RAPGEF2: variants seen among roughly 807,000 people sequenced by gnomAD.
RAPGEF2 encodes Rap guanine nucleotide exchange factor 2.
Under a neutral mutation model 186.7 loss-of-function variants are expected in RAPGEF2, and 54 were observed. The ratio of observed to expected loss-of-function variants is 0.29; its 90% CI spans 0.23 to 0.36. RAPGEF2 has a LOEUF of 0.36. Among genes scored for constraint, RAPGEF2 ranks in the 10% least tolerant of loss-of-function variants. The probability of loss-of-function intolerance (pLI) is 1.00; values close to 1 mark genes in which losing one functional copy is unlikely to be tolerated. For missense variants in RAPGEF2, 1,532 were observed against 2,045.0 expected, an observed-to-expected ratio of 0.75 and a Z score of 4.84; for synonymous variants, 712 against 705.9, an observed-to-expected ratio of 1.01 and a Z score of -0.14.
At chr4:159,108,695 G>A (rs1208106180) in intron 1 of RAPGEF2, among the ~76,000 whole-genome samples, 1 of 152,124 alleles carries the variant, frequency 6.6e-6, no homozygotes, top group African/African-American at 2.4e-5. Context: ...TATTTGATGA[G>A]ATGGGGTGCT....
At chr4:159,207,554 A>C (rs982742931) in intron 3 of RAPGEF2, among the ~76,000 whole-genome samples, 46 of 152,256 alleles carry the variant, frequency 3.0e-4, no homozygotes, top group African/African-American at 1.1e-3. Flanking sequence ...TGTTAACTCT[A>C]TTAGTTGTCA....
intron 23 of RAPGEF2, 28 bp downstream of exon 23, chr4:159,344,087 C>A: frequency 6.6e-7 from 1 of 1,523,780 alleles, no homozygotes; most frequent in Non-Finnish European, 9.1e-7. Context: ...TGCATACCCA[C>A]ACACAGTTCT....
chr4:159,202,448 T>G (rs138719211), intron 3 of RAPGEF2, among the ~76,000 whole-genome samples: 298 of 152,288 alleles, frequency 2.0e-3, no homozygotes, highest in South Asian at 6.0e-3. Flanking sequence ...CCCCCAAAAC[T>G]TAGATGGCCA....
intron 7 of RAPGEF2, among the ~76,000 whole-genome samples, chr4:159,293,305 C>G (rs1399847061): frequency 6.6e-6 from 1 of 152,148 alleles, no homozygotes; most frequent in Non-Finnish European, 1.5e-5. Context: ...GGATGCAGTA[C>G]TTATCACAAC....
rs993367752 is a variant in RAPGEF2 at position 159,191,462 on chromosome 4, C to T, written c.141-1738C>T. On this transcript the variant is annotated intron_variant, in intron 2 of 29. Transcript: ENST00000691494. ...GATAGAATATATAGACAACTCAGGC[C>T]GGGCGCGATGGCTAATGCCTGTAAT... 8.5e-5 allele frequency among the ~76,000 whole-genome samples: 13 copies of T among 152,210 alleles called. No individual in the cohort carries two copies. The South Asian group carries it at 1.7e-3, about 19-fold the overall frequency.
chr4:159,210,298 T>C (rs1750395777), intron 3 of RAPGEF2, among the ~76,000 whole-genome samples: 3 of 152,210 alleles, frequency 2.0e-5, no homozygotes, highest in South Asian at 4.1e-4. Context: ...TACTGATAAA[T>C]ATATTTGGTG....
intron 8 of RAPGEF2, among the ~76,000 whole-genome samples, chr4:159,305,239 C>G (rs1374903706): frequency 1.3e-5 from 2 of 152,066 alleles, no homozygotes; most frequent in African/African-American, 4.8e-5. Context: ...ATTTTTAGTT[C>G]TTGGAGAAAT....
chr4:159,106,853 G>T (rs1232242881), intron 1 of RAPGEF2, among the ~76,000 whole-genome samples: 5 of 152,172 alleles, frequency 3.3e-5, no homozygotes, highest in Non-Finnish European at 7.4e-5. Flanking sequence ...AAGTTGGCTA[G>T]AAGAGAATCT....
intron 1 of RAPGEF2, among the ~76,000 whole-genome samples, chr4:159,138,065 T>G (rs974058208): frequency 6.6e-6 from 1 of 152,232 alleles, no homozygotes; most frequent in African/African-American, 2.4e-5. Context: ...ATAATGTTAA[T>G]GAATATGGTT....
chr4:159,186,562 T>G (rs566748968), intron 1 of RAPGEF2, 80 bp from the exon 2 acceptor site: 1 of 631,158 alleles, frequency 1.6e-6, no homozygotes, highest in South Asian at 2.7e-5. Flanking sequence ...TTTAATTTGG[T>G]TTGTAGATAC....
intron 1 of RAPGEF2, among the ~76,000 whole-genome samples, chr4:159,178,267 TAGG>T (rs1383017656): frequency 6.6e-6 from 1 of 151,976 alleles, no homozygotes. Context: ...CTATACAGGA[TAGG>T]AGGGATTGCA....
intron 4 of RAPGEF2, among the ~76,000 whole-genome samples, chr4:159,217,292 A>G (rs1197653371): frequency 6.6e-6 from 1 of 152,190 alleles, no homozygotes; most frequent in Non-Finnish European, 1.5e-5. Flanking sequence ...CAAAGTATAC[A>G]ATAGGTAGCT....
chr4:159,104,182 A>G lies in RAPGEF2; in HGVS notation c.20A>G (p.Asn7Ser), dbSNP rs1474106466. ...GGGGAGATGGCGTCCTACGTAGATAACAGCTTCCGCCAGGCGGTGATGAAG... is the reference window on the plus strand; with the variant it reads ...GGGGAGATGGCGTCCTACGTAGATAGCAGCTTCCGCCAGGCGGTGATGAAG... The part of the protein sequence containing the change: MASYVD[N>S]SFRQAVMKNP... Residue 7 changes from asparagine to serine, a missense_variant, in exon 1 of 30, where the codon AAC becomes AGC. Transcript: ENST00000691494. 6.6e-7 allele frequency: 1 copy of G among 1,525,642 alleles called. No homozygotes were observed. Among genetic ancestry groups the G allele is most frequent in the Non-Finnish European group, 8.8e-7 (1 of 1,140,766 alleles). 94.5% of individuals were successfully genotyped at this position (1,525,642 alleles called of 1,614,324 possible).
At chr4:159,124,696 T>A (rs992685031) in intron 1 of RAPGEF2, among the ~76,000 whole-genome samples, 1 of 152,208 alleles carries the variant, frequency 6.6e-6, no homozygotes, top group Admixed American at 6.5e-5. Flanking sequence ...CTTTTGTCTG[T>A]TTTGGTTATT....
chr4:159,295,346 T>C (rs1280350791), intron 7 of RAPGEF2, among the ~76,000 whole-genome samples: 2 of 151,988 alleles, frequency 1.3e-5, no homozygotes, highest in Admixed American at 1.3e-4. Flanking sequence ...TGGTTGAAAA[T>C]GAATTGAAAA....
intron 7 of RAPGEF2, among the ~76,000 whole-genome samples, chr4:159,261,465 T>C (rs1000836568): frequency 3.3e-5 from 5 of 152,250 alleles, no homozygotes; most frequent in Non-Finnish European, 7.3e-5. Flanking sequence ...TGGTTAGCTG[T>C]AATCTGCCTC....
intron 11 of RAPGEF2, among the ~76,000 whole-genome samples, chr4:159,324,405 C>A (rs986285834): frequency 1.3e-5 from 2 of 152,088 alleles, no homozygotes; most frequent in African/African-American, 4.8e-5. Flanking sequence ...TTCCATTTTA[C>A]TTGAACTGCA....
intron 1 of RAPGEF2, among the ~76,000 whole-genome samples, chr4:159,161,147 C>T (rs1420744845): frequency 1.3e-5 from 2 of 152,036 alleles, no homozygotes; most frequent in African/African-American, 4.8e-5. Flanking sequence ...AAACGGATTT[C>T]TGTGTGTCAT....
At chr4:159,123,023 TCTTC>T (rs10579844) in intron 1 of RAPGEF2, among the ~76,000 whole-genome samples, 30,295 of 152,076 alleles carry the variant, frequency 0.2, 2,973 homozygotes, top group Admixed American at 0.25. Flanking sequence ...ATGTATTTTC[TCTTC>T]CTTATGATTT....
Sources: gnomAD v4.1 joint callset for allele counts (sites outside exome capture counted in the v4.1 genomes callset) on GRCh38, gnomAD v4.1.1 for gene constraint, MANE v1.5 for transcripts, NCBI Gene and HGNC (gene_info 2026-07-23, HGNC 2026-07-21) for gene names.